The following AGK variants were observed in gnomAD, a reference collection of about 807,000 sequenced individuals.
AGK encodes the protein acylglycerol kinase, mitochondrial.
A neutral mutation model predicts 66.4 loss-of-function variants in AGK; 52 were observed. The ratio of observed to expected loss-of-function variants is 0.78; its 90% CI spans 0.63 to 0.99. The LOEUF (loss-of-function observed/expected upper bound fraction) is 0.99, where lower values mean the gene tolerates loss of function less well. Among genes scored for constraint, AGK ranks in the 50% least tolerant of loss-of-function variants. The pLI is 0.00. For synonymous variants in AGK, 182 were observed against 181.1 expected, an observed-to-expected ratio of 1.00 and a Z score of -0.04; for missense variants, 451 against 506.6, an observed-to-expected ratio of 0.89 and a Z score of 1.05.
intron 2 of AGK, among the ~76,000 whole-genome samples, chr7:141,575,343 C>G (rs1237682298): frequency 6.6e-6 from 1 of 152,120 alleles, no homozygotes. Flanking sequence ...CAGACTAGGT[C>G]AATTAGTTAT....
intron 11 of AGK, among the ~76,000 whole-genome samples, chr7:141,640,765 G>C (rs982477353): frequency 6.6e-6 from 1 of 152,176 alleles, no homozygotes; most frequent in Non-Finnish European, 1.5e-5. Context: ...AAAAATTAGA[G>C]TGTGAGGGTG....
At chr7:141,595,366 A>G (rs1437161319) in intron 3 of AGK, among the ~76,000 whole-genome samples, 1 of 152,242 alleles carries the variant, frequency 6.6e-6, no homozygotes, top group East Asian at 1.9e-4. Flanking sequence ...AAAATGTTAA[A>G]GTCTAAGTAA....
At chr7:141,583,784 G>C (rs1474996213) in intron 2 of AGK, among the ~76,000 whole-genome samples, 1 of 151,996 alleles carries the variant, frequency 6.6e-6, no homozygotes, top group African/African-American at 2.4e-5. Flanking sequence ...AAAAGGAAAG[G>C]AACTGAAATT....
intron 4 of AGK, among the ~76,000 whole-genome samples, chr7:141,597,823 C>T (rs958097491): frequency 6.8e-5 from 9 of 132,828 alleles, no homozygotes; most frequent in Non-Finnish European, 1.2e-4. Context: ...CCCAGGAGGT[C>T]GAGGCTGTAG....
chr7:141,627,203 T>TA (rs1415090065), intron 9 of AGK, among the ~76,000 whole-genome samples: 1 of 152,326 alleles, frequency 6.6e-6, no homozygotes, highest in African/African-American at 2.4e-5. Flanking sequence ...GGTTCTCTAT[T>TA]AAAAAATAAT....
At chr7:141,620,022 C>G (rs1259360511) in intron 8 of AGK, among the ~76,000 whole-genome samples, 2 of 152,086 alleles carry the variant, frequency 1.3e-5, no homozygotes, top group African/African-American at 4.8e-5. Context: ...TACATCCATT[C>G]ATAAACAATA....
At chr7:141,583,991 C>T (rs919083657) in intron 2 of AGK, among the ~76,000 whole-genome samples, 6 of 151,908 alleles carry the variant, frequency 3.9e-5, no homozygotes, top group African/African-American at 4.8e-5. Context: ...AGCAGGAGGA[C>T]GGGATTGATC....
chr7:141,643,772 A>G (rs930942053), intron 13 of AGK, among the ~76,000 whole-genome samples: 4 of 152,098 alleles, frequency 2.6e-5, no homozygotes, highest in Non-Finnish European at 4.4e-5. Context: ...TGCATTTTGT[A>G]GGTAAGGAGA....
intron 2 of AGK, among the ~76,000 whole-genome samples, chr7:141,591,879 G>A (rs895410899): frequency 2.0e-5 from 3 of 152,074 alleles, no homozygotes; most frequent in Non-Finnish European, 4.4e-5. Flanking sequence ...ATGCTTTTAT[G>A]GTAGAAACCT....
At chr7:141,627,270 T>A (rs1587143486) in intron 9 of AGK, among the ~76,000 whole-genome samples, 2 of 152,198 alleles carry the variant, frequency 1.3e-5, no homozygotes, top group Middle Eastern at 3.4e-3. Flanking sequence ...GCGATTCCTT[T>A]TTCATCTAAA....
At chr7:141,608,034 A>T (rs997307004) in intron 5 of AGK, among the ~76,000 whole-genome samples, 1 of 152,092 alleles carries the variant, frequency 6.6e-6, no homozygotes, top group Non-Finnish European at 1.5e-5. Context: ...ACAAATATTT[A>T]TTTAGTGCCC....
chr7:141,573,943 C>T (rs1052626761), intron 2 of AGK, among the ~76,000 whole-genome samples: 6 of 151,964 alleles, frequency 3.9e-5, no homozygotes, highest in African/African-American at 1.2e-4. Context: ...GTCATTTACT[C>T]TCCTTTTTTT....
At chr7:141,642,475 A>C (rs1222710662) in intron 13 of AGK, among the ~76,000 whole-genome samples, 1 of 152,180 alleles carries the variant, frequency 6.6e-6, no homozygotes, top group Non-Finnish European at 1.5e-5. Flanking sequence ...CACTCACCAC[A>C]TTTCAAGTGC....
intron 5 of AGK, among the ~76,000 whole-genome samples, chr7:141,608,584 C>G (rs984860488): frequency 6.6e-6 from 1 of 152,092 alleles, no homozygotes; most frequent in African/African-American, 2.4e-5. Flanking sequence ...AATTACCTTT[C>G]ACTTCCATTG....
At chr7:141,553,141 A>G (rs937585984) in intron 1 of AGK, among the ~76,000 whole-genome samples, 2 of 152,202 alleles carry the variant, frequency 1.3e-5, no homozygotes, top group Admixed American at 6.5e-5. Flanking sequence ...CTCGGTTTGT[A>G]GAGATCTGTC....
chr7:141,589,623 C>T (rs1796064920), intron 2 of AGK, among the ~76,000 whole-genome samples: 2 of 151,630 alleles, frequency 1.3e-5, no homozygotes, highest in South Asian at 2.1e-4. Flanking sequence ...TGCCATGACG[C>T]GTTCTCGGCT....
chr7:141,561,197 T>A (rs1213793475), intron 2 of AGK, among the ~76,000 whole-genome samples: 2 of 152,238 alleles, frequency 1.3e-5, no homozygotes, highest in Non-Finnish European at 2.9e-5. Context: ...TGGTTCCATA[T>A]TTCTGCAATT....
intron 2 of AGK, among the ~76,000 whole-genome samples, chr7:141,589,331 C>T (rs1008295674): frequency 2.6e-5 from 4 of 152,190 alleles, no homozygotes; most frequent in Non-Finnish European, 4.4e-5. Context: ...AAGGTAGTTG[C>T]TCTATGAATT....
chr7:141,562,391 C>T (rs760083565), intron 2 of AGK, among the ~76,000 whole-genome samples: 19 of 152,028 alleles, frequency 1.2e-4, no homozygotes, highest in Non-Finnish European at 1.8e-4. Flanking sequence ...GTTTCTCAGG[C>T]GATGGGTGGG....
Sources: allele counts gnomAD v4.1 joint callset (sites outside exome capture counted in the v4.1 genomes callset), GRCh38; gene constraint gnomAD v4.1.1; transcripts MANE v1.5; gene names NCBI Gene and HGNC (gene_info 2026-07-23, HGNC 2026-07-21).